Variants in PDIA5 observed in about 807,000 individuals in gnomAD.
The protein encoded by PDIA5 is protein disulfide-isomerase A5.
In PDIA5, 58 loss-of-function variants were observed where a neutral mutation model predicts 77.6. The observed-to-expected ratio is 0.75, with a 90% CI of 0.61 to 0.93. The LOEUF (loss-of-function observed/expected upper bound fraction) is 0.93. PDIA5 is among the 40% of genes least tolerant of loss of function. PDIA5 has a pLI of 0.00. For missense variants in PDIA5, 630 were observed against 647.7 expected (o/e 0.97, Z 0.30); for synonymous variants, 250 against 252.1 (o/e 0.99, Z 0.08).
At chr3:123,075,830 G>GGAATCTGC (rs60954790) in intron 1 of PDIA5, among the ~76,000 whole-genome samples, 1 of 152,050 alleles carries the variant, frequency 6.6e-6, no homozygotes, top group Non-Finnish European at 1.5e-5. Context: ...CCAGAATACC[G>GGAATCTGC]AGCTCTGCGG....
At chr3:123,145,648 G>C in intron 12 of PDIA5, 56 bp downstream of exon 12, 1 of 1,459,578 alleles carries the variant, frequency 6.9e-7, no homozygotes, top group Non-Finnish European at 9.6e-7. Flanking sequence ...ACTGACAGGT[G>C]GAATCATTAT....
intron 3 of PDIA5, among the ~76,000 whole-genome samples, chr3:123,096,472 C>A (rs745327796): frequency 6.6e-6 from 1 of 152,080 alleles, no homozygotes; most frequent in African/African-American, 2.4e-5. Context: ...TACAGGCATG[C>A]GCCACCGTGC....
rs149160539 is a variant in PDIA5, at chr3:123,124,141, A to G, written c.685A>G (p.Thr229Ala). The G allele has an allele frequency of 1.1e-5, 17 of 1,613,340 alleles. No individual in the cohort carries two copies. The highest frequency in any genetic ancestry group is 2.2e-5 in the South Asian group (2 of 91,078). ...GGAGTACAGCGTGCGCGGCTTCCCC[A>G]CCATCTGCTATTTTGAGTACGTCCC... ...KEEYSVRGFP[T>A]ICYFEKGRFL... The change falls in exon 9 of 17, where the codon ACC (threonine) becomes GCC (alanine). Residue 229 changes from threonine to alanine, a missense_variant. Physicochemically the swap from Thr to Ala is moderately conservative, Grantham distance 58 (BLOSUM62 0). Coordinates refer to ENST00000316218, the MANE Select transcript of PDIA5 (RefSeq NM_006810.4).
At chr3:123,145,287 C>T (rs1376673397) in intron 11 of PDIA5, 1 of 531,760 alleles carries the variant, frequency 1.9e-6, no homozygotes, top group Admixed American at 3.4e-5. Flanking sequence ...CCTGGCACAC[C>T]AGTTGCCCGT....
chr3:123,101,331 G>A (rs1010013415), intron 3 of PDIA5, among the ~76,000 whole-genome samples: 8 of 152,210 alleles, frequency 5.3e-5, no homozygotes, highest in Non-Finnish European at 1.2e-4. Flanking sequence ...GTTCCTGGAT[G>A]ATGCTGGTGC....
chr3:123,116,375 G>A, intron 8 of PDIA5, 77 bp downstream of exon 8: 1 of 1,088,318 alleles, frequency 9.2e-7, no homozygotes, highest in South Asian at 1.3e-5. Context: ...GGGTGGGGTG[G>A]GGACAGGTTT....
intron 3 of PDIA5, among the ~76,000 whole-genome samples, chr3:123,096,107 T>C (rs1466901316): frequency 6.6e-6 from 1 of 152,156 alleles, no homozygotes; most frequent in Non-Finnish European, 1.5e-5. Flanking sequence ...TCTGAGGTTC[T>C]CTCCTGTCTC....
chr3:123,078,356 A>G (rs970860532), intron 1 of PDIA5, among the ~76,000 whole-genome samples: 1 of 152,152 alleles, frequency 6.6e-6, no homozygotes. Context: ...GGCCCATGCA[A>G]GAGCTGGGGG....
chr3:123,128,392 C>T (rs1440419488), intron 10 of PDIA5, among the ~76,000 whole-genome samples: 1 of 152,152 alleles, frequency 6.6e-6, no homozygotes, highest in East Asian at 1.9e-4. Context: ...CTTCCGGTGC[C>T]TGTACTCCTG....
At position 123,110,933 on chromosome 3, in the gene PDIA5, T is replaced by C. The variant is rs923275241; in HGVS notation, c.481-11T>C. On this transcript the variant is annotated splice_polypyrimidine_tract_variant and intron_variant, in intron 6 of 16. Transcript: ENST00000316218. Reference sequence around the variant, plus strand: ...TGTGCGAGCTGCTGGTATTCTCTTTTTGTGCCTCAGGACTTCAGACGGCTC... The same window carrying C: ...TGTGCGAGCTGCTGGTATTCTCTTTCTGTGCCTCAGGACTTCAGACGGCTC... 6.2e-7 allele frequency: 1 copy of C among 1,612,160 alleles called. No individual in the cohort carries two copies. Among genetic ancestry groups the C allele is most frequent in the Admixed American group, 1.7e-5 (1 of 60,016 alleles).
chr3:123,153,731 GCTCAT>G (rs1404842665), intron 14 of PDIA5, among the ~76,000 whole-genome samples: 28 of 152,286 alleles, frequency 1.8e-4, no homozygotes, highest in African/African-American at 6.5e-4. Context: ...GGGTGGTCCT[GCTCAT>G]CTCAAGACTG....
intron 1 of PDIA5, among the ~76,000 whole-genome samples, chr3:123,071,128 C>G (rs896866848): frequency 6.6e-6 from 1 of 151,752 alleles, no homozygotes. Flanking sequence ...ATATAAAATC[C>G]ATTTTATATT....
chr3:123,130,393 G>A (rs1935344317), intron 10 of PDIA5, 87 bp from the exon 11 acceptor site: 3 of 1,428,326 alleles, frequency 2.1e-6, no homozygotes, highest in Non-Finnish European at 2.8e-6. Flanking sequence ...GAGCCCATGG[G>A]GAGCTTTGGG....
At chr3:123,123,561 C>T (rs192145318) in intron 8 of PDIA5, among the ~76,000 whole-genome samples, 80 of 152,344 alleles carry the variant, frequency 5.3e-4, no homozygotes, top group Admixed American at 4.9e-3. Flanking sequence ...AAACGTCACA[C>T]TCAAGCCTAG....
chr3:123,154,248 C>A (rs1935971668), intron 14 of PDIA5, among the ~76,000 whole-genome samples: 1 of 152,206 alleles, frequency 6.6e-6, no homozygotes, highest in African/African-American at 2.4e-5. Flanking sequence ...AGGCCTTAGG[C>A]TGCTCTGACA....
At chr3:123,099,433 G>C (rs1456375165) in intron 3 of PDIA5, among the ~76,000 whole-genome samples, 1 of 152,222 alleles carries the variant, frequency 6.6e-6, no homozygotes. Context: ...AGTGTGCTCA[G>C]ATGGGACAGG....
At chr3:123,134,003 CCT>C (rs1935433007) in intron 11 of PDIA5, among the ~76,000 whole-genome samples, 1 of 148,328 alleles carries the variant, frequency 6.7e-6, no homozygotes. Flanking sequence ...CTTTTCTTTT[CCT>C]TTTCTTTTCT....
In PDIA5 at chr3:123,150,424, A is replaced by C. The variant is rs1363399762; in HGVS notation, c.1273+60A>C. On this transcript the variant is annotated intron_variant, in intron 14 of 16. Coordinates refer to ENST00000316218, the MANE Select transcript of PDIA5 (RefSeq NM_006810.4). ...AAGAGGGGTTTGGCCCCACCAAACC[A>C]AAAAGACCCGCACACCCACCCCAGG... The C allele has an allele frequency of 1.3e-5, 20 of 1,535,122 alleles. No homozygotes were observed. The South Asian group carries it at 2.5e-4, about 19-fold the overall frequency.
rs1308473780 is a variant in PDIA5 at position 123,161,508 on chromosome 3, G to A, written c.1479+53G>A. On this transcript the variant is annotated intron_variant, in intron 16 of 16. Transcript: ENST00000316218. ...AGCTCTCTCTCTGCTGATGGGCAGG[G>A]AAACTTCCACTGAGGAGGGGCAGCA... 9 of 1,581,846 alleles carry A rather than the reference G, an allele frequency of 5.7e-6. No individual in the cohort carries two copies. In the East Asian group the frequency reaches 2.0e-4, roughly 35 times the overall value.
Sources: gnomAD v4.1 joint callset for allele counts (sites outside exome capture counted in the v4.1 genomes callset) on GRCh38, gnomAD v4.1.1 for gene constraint, MANE v1.5 for transcripts, NCBI Gene and HGNC (gene_info 2026-07-23, HGNC 2026-07-21) for gene names.